The following HTR7 variants were observed in gnomAD, a reference collection of about 807,000 sequenced individuals.
The protein encoded by HTR7 is 5-hydroxytryptamine receptor 7.
In HTR7, 16 loss-of-function variants were observed where a neutral mutation model predicts 34.0. The ratio of observed to expected loss-of-function variants is 0.47; its 90% CI spans 0.32 to 0.71. The LOEUF (loss-of-function observed/expected upper bound fraction) is 0.71. HTR7 is among the 30% of genes least tolerant of loss of function. The pLI, the probability that HTR7 is intolerant of heterozygous loss-of-function variation, is 0.04. For synonymous variants in HTR7, 265 were observed against 260.2 expected (o/e 1.02, Z -0.18); for missense variants, 504 against 625.5 (o/e 0.81, Z 2.07).
At chr10:90,812,517 C>CTTA (rs1476108596) in intron 1 of HTR7, among the ~76,000 whole-genome samples, 1 of 147,460 alleles carries the variant, frequency 6.8e-6, no homozygotes, top group African/African-American at 2.6e-5. Context: ...TTCTCCTTCT[C>CTTA]TTATTCCATT....
intron 1 of HTR7, among the ~76,000 whole-genome samples, chr10:90,833,038 G>A (rs568885056): frequency 3.0e-4 from 45 of 152,326 alleles, no homozygotes; most frequent in African/African-American, 9.1e-4. Flanking sequence ...GGAGGAAGGT[G>A]GAGTAGACTT....
chr10:90,833,476 T>C (rs1449418410), intron 1 of HTR7, among the ~76,000 whole-genome samples: 1 of 152,184 alleles, frequency 6.6e-6, no homozygotes, highest in Non-Finnish European at 1.5e-5. Context: ...AGGAGGGTAA[T>C]AGAACGTACC....
At chr10:90,742,573 G>C in intron 3 of HTR7, 45 bp from the exon 4 acceptor site, 1 of 1,323,100 alleles carries the variant, frequency 7.6e-7, no homozygotes, top group Non-Finnish European at 1.1e-6. Flanking sequence ...TAGTAGAACT[G>C]TAAATGTGAG....
intron 1 of HTR7, among the ~76,000 whole-genome samples, chr10:90,809,378 C>G (rs534213288): frequency 2.0e-5 from 3 of 152,280 alleles, no homozygotes; most frequent in Admixed American, 1.3e-4. Context: ...GTTCATGACT[C>G]GTTTGGCAGC....
intron 1 of HTR7, among the ~76,000 whole-genome samples, chr10:90,831,916 C>T (rs542144066): frequency 3.9e-5 from 6 of 152,168 alleles, no homozygotes; most frequent in Admixed American, 1.3e-4. Context: ...AAATGTTCTG[C>T]GAGTCCCCAC....
intron 1 of HTR7, among the ~76,000 whole-genome samples, chr10:90,803,837 C>G (rs1366347044): frequency 6.6e-6 from 1 of 152,160 alleles, no homozygotes; most frequent in Non-Finnish European, 1.5e-5. Flanking sequence ...CAGGAAAATA[C>G]TGGGTAGGAG....
intron 1 of HTR7, among the ~76,000 whole-genome samples, chr10:90,851,305 T>C (rs1846495207): frequency 6.6e-6 from 1 of 152,084 alleles, no homozygotes; most frequent in Admixed American, 6.5e-5. Flanking sequence ...AGTGAAAATA[T>C]CATTCAAAAA....
chr10:90,819,165 AG>A (rs975263534), intron 1 of HTR7, among the ~76,000 whole-genome samples: 5 of 152,208 alleles, frequency 3.3e-5, no homozygotes, highest in Non-Finnish European at 7.3e-5. Flanking sequence ...CCCAAAATGA[AG>A]TAAGAGATAT....
At chr10:90,751,183 C>T (rs1320378799) in intron 1 of HTR7, among the ~76,000 whole-genome samples, 1 of 152,028 alleles carries the variant, frequency 6.6e-6, no homozygotes, top group Non-Finnish European at 1.5e-5. Flanking sequence ...TATGATGTGG[C>T]TCCCAAACAG....
At chr10:90,786,408 G>A (rs12412496) in intron 1 of HTR7, among the ~76,000 whole-genome samples, 39,558 of 152,026 alleles carry the variant, frequency 0.26, 5,488 homozygotes, top group African/African-American at 0.35. Context: ...TGAAGCTAAC[G>A]AGGAAGCCAG....
At chr10:90,808,819 A>T (rs757151377) in intron 1 of HTR7, among the ~76,000 whole-genome samples, 43 of 152,278 alleles carry the variant, frequency 2.8e-4, no homozygotes, top group Non-Finnish European at 5.6e-4. Context: ...CTGCAATGCC[A>T]CTTGACCCCA....
intron 1 of HTR7, among the ~76,000 whole-genome samples, chr10:90,752,501 C>A (rs535472730): frequency 6.6e-6 from 1 of 151,882 alleles, no homozygotes; most frequent in South Asian, 2.1e-4. Flanking sequence ...TACCATATAA[C>A]CCCCAATGAA....
chr10:90,844,726 CAAAAAAAAAAAAAAAAA>C (rs71025328), intron 1 of HTR7, among the ~76,000 whole-genome samples: 50 of 39,502 alleles, frequency 1.3e-3, no homozygotes, highest in East Asian at 8.9e-3. Context: ...GACTCCGTCT[CAAAAAAAAAAAAAAAAA>C]AAAAAAAAAA....
chr10:90,746,645 C>T (rs746426886), intron 2 of HTR7, among the ~76,000 whole-genome samples: 2 of 152,160 alleles, frequency 1.3e-5, no homozygotes, highest in Non-Finnish European at 2.9e-5. Context: ...TTTCAGAAGA[C>T]TATATGCCAA....
rs929441750 is a variant in HTR7 at position 90,857,633 on chromosome 10, G to A, written c.39C>T (p.Tyr13=). The A allele has an allele frequency of 2.5e-6, 4 of 1,596,088 alleles. No homozygotes were observed. The highest frequency in any genetic ancestry group is 2.3e-5 in the East Asian group (1 of 43,910). Residue 13 remains tyrosine, a synonymous_variant, in exon 1 of 4, where the codon TAC becomes TAT. Coordinates refer to ENST00000336152, the MANE Select transcript of HTR7 (RefSeq NM_019859.4). This position sits in a 1 kb window ranked among gnomAD's most constrained non-coding sequence, Gnocchi z 6.5. ...GCAGAAGGAAAGAGCGGAGGTGCCC[G>A]TAGAGGTCCGGGCGGCCGCTGCTGT... ...DVNSSGRPDL[Y]GHLRSFLLPE...
At chr10:90,766,418 T>C (rs1380660314) in intron 1 of HTR7, among the ~76,000 whole-genome samples, 1 of 152,244 alleles carries the variant, frequency 6.6e-6, no homozygotes, top group Non-Finnish European at 1.5e-5. Flanking sequence ...ATGTGTCTCC[T>C]TAAAGCTCAA....
At chr10:90,766,535 T>A (rs749865224) in intron 1 of HTR7, among the ~76,000 whole-genome samples, 19 of 152,194 alleles carry the variant, frequency 1.2e-4, no homozygotes, top group Non-Finnish European at 1.8e-4. Context: ...TGAAATTACA[T>A]ATTGATAGGT....
intron 1 of HTR7, among the ~76,000 whole-genome samples, chr10:90,818,483 T>G (rs773267043): frequency 6.6e-6 from 1 of 151,208 alleles, no homozygotes; most frequent in African/African-American, 2.4e-5. Context: ...GAGGTGGAGG[T>G]TGCAGTGAGC....
intron 2 of HTR7, 77 bp downstream of exon 2, chr10:90,748,762 G>A: frequency 1.4e-6 from 2 of 1,455,060 alleles, no homozygotes; most frequent in South Asian, 1.4e-5. Flanking sequence ...CGTTCAGGAA[G>A]CTTTCTGTGA....
Sources: allele counts gnomAD v4.1 joint callset (sites outside exome capture counted in the v4.1 genomes callset), GRCh38; gene constraint gnomAD v4.1.1; non-coding constraint Gnocchi (gnomAD v3.1); transcripts MANE v1.5; gene names NCBI Gene and HGNC (gene_info 2026-07-23, HGNC 2026-07-21).